TPTE: variants seen among roughly 807,000 people sequenced by gnomAD.
The protein encoded by TPTE is transmembrane phosphatase with tensin homology, also known as putative tyrosine-protein phosphatase TPTE.
A neutral mutation model predicts 84.1 loss-of-function variants in TPTE; 59 were observed. The ratio of observed to expected loss-of-function variants is 0.70; its 90% CI spans 0.57 to 0.87. TPTE has a LOEUF of 0.87. Ranked by LOEUF, TPTE falls within the 40% of genes least tolerant of loss-of-function variation. TPTE has a pLI of 0.00. For missense variants in TPTE, 382 were observed against 659.6 expected (o/e 0.58, Z 4.61); for synonymous variants, 130 against 223.5 (o/e 0.58, Z 3.73).
intron 8 of TPTE, among the ~76,000 whole-genome samples, chr21:10,554,563 C>T (rs928958439): frequency 1.3e-5 from 2 of 152,300 alleles, no homozygotes; most frequent in Non-Finnish European, 2.9e-5. Flanking sequence ...AAAGTTAAAT[C>T]TATTGATCCT....
At chr21:10,545,225 A>ATTAACCTCTTAAGATTTACCAATC (rs1568962866) in intron 7 of TPTE, among the ~76,000 whole-genome samples, 1 of 152,308 alleles carries the variant, frequency 6.6e-6, no homozygotes, top group Non-Finnish European at 1.5e-5. Context: ...AGAGGCATAT[A>ATTAACCTCTTAAGATTTACCAATC]TTAAGATTGG....
At chr21:10,574,234 A>G (rs1298377243) in intron 14 of TPTE, among the ~76,000 whole-genome samples, 1 of 152,312 alleles carries the variant, frequency 6.6e-6, no homozygotes, top group Non-Finnish European at 1.5e-5. Context: ...AATACTTATT[A>G]TACCTCAATA....
rs1051322060 is a variant in TPTE at position 10,543,014 on chromosome 21, C to CTTTTTTT, written c.120-295_120-289dup. 1.5e-4 allele frequency among the ~76,000 whole-genome samples: 11 copies of CTTTTTTT among 72,276 alleles called. 1 individual carries two copies. Among genetic ancestry groups the CTTTTTTT allele is most frequent in the Admixed American group, 1.9e-4 (1 of 5,230 alleles). The allele number at this position is 72,276 out of a possible 152,430, so 47.4% of individuals were successfully genotyped here. The stretch of plus-strand genomic sequence containing the variant: ...ATCGCGTCTCCTATCTGACTGTATT[C>CTTTTTTT]TTTTTTTTTTTTTTTTTTTTTTTTT... On this transcript the variant is annotated intron_variant, in intron 6 of 23. Transcript: ENST00000618007.
chr21:10,560,498 T>C (rs948859412), intron 9 of TPTE, among the ~76,000 whole-genome samples: 2 of 152,290 alleles, frequency 1.3e-5, no homozygotes, highest in Non-Finnish European at 2.9e-5. Flanking sequence ...TCAAGACTCA[T>C]GTGCCCATCA....
chr21:10,540,132 C>G (rs532460341), intron 4 of TPTE, among the ~76,000 whole-genome samples: 2 of 152,428 alleles, frequency 1.3e-5, no homozygotes, highest in South Asian at 4.1e-4. Context: ...TACATGTTAA[C>G]TTCTTTGGCA....
At chr21:10,551,632 C>T (rs1388155496) in intron 7 of TPTE, among the ~76,000 whole-genome samples, 1 of 152,206 alleles carries the variant, frequency 6.6e-6, no homozygotes, top group African/African-American at 2.4e-5. Context: ...AGGTTAACAA[C>T]AAAAAGGTTT....
chr21:10,575,698 GGT>G (rs554349416), intron 14 of TPTE, among the ~76,000 whole-genome samples: 33 of 152,372 alleles, frequency 2.2e-4, no homozygotes, highest in Non-Finnish European at 8.8e-5. Context: ...AGCCTTCACT[GGT>G]AATATCTCCT....
chr21:10,569,234 TA>T (rs1453997961), intron 11 of TPTE, among the ~76,000 whole-genome samples: 1 of 152,308 alleles, frequency 6.6e-6, no homozygotes, highest in Non-Finnish European at 1.5e-5. Flanking sequence ...TAGATGTAAG[TA>T]ACACACAGAC....
intron 20 of TPTE, 55 bp from the exon 21 acceptor site, chr21:10,597,960 A>G (rs1487153022): frequency 6.9e-6 from 11 of 1,595,684 alleles, no homozygotes; most frequent in Non-Finnish European, 9.4e-6. Flanking sequence ...TTGGTGAGAC[A>G]TATTGATGTT....
intron 23 of TPTE, among the ~76,000 whole-genome samples, chr21:10,604,616 T>C (rs778939280): frequency 6.6e-6 from 1 of 152,276 alleles, no homozygotes; most frequent in Non-Finnish European, 1.5e-5. Flanking sequence ...ACAAGTTTTT[T>C]TTTTTGGATG....
chr21:10,525,984 C>G (rs1402088381), intron 2 of TPTE, among the ~76,000 whole-genome samples: 7 of 152,424 alleles, frequency 4.6e-5, no homozygotes, highest in African/African-American at 1.7e-4. Context: ...TCTGAAAAAT[C>G]TAGTAATCAT....
chr21:10,538,828 A>G, intron 4 of TPTE, 94 bp downstream of exon 4: 6 of 1,612,700 alleles, frequency 3.7e-6, no homozygotes, highest in South Asian at 2.2e-5. Flanking sequence ...ATATCCATCC[A>G]TCCATCCATG....
At chr21:10,545,794 T>C (rs935413875) in intron 7 of TPTE, among the ~76,000 whole-genome samples, 2 of 151,814 alleles carry the variant, frequency 1.3e-5, no homozygotes, top group Admixed American at 1.3e-4. Context: ...TCTACATATG[T>C]GCATATTTAA....
At chr21:10,527,947 A>G (rs1198509059) in intron 3 of TPTE, among the ~76,000 whole-genome samples, 1 of 152,306 alleles carries the variant, frequency 6.6e-6, no homozygotes, top group African/African-American at 2.4e-5. Flanking sequence ...ATGTGTGCCT[A>G]CAAATGGGAC....
rs1222830773 is a variant in TPTE, at chr21:10,524,699, C to A, written c.-102+11C>A. ...CAGTCTGGTGTATAGGTAAGCATGT[C>A]CAGGGCTTATAGGGAGAAACTCCCA... On this transcript the variant is annotated intron_variant, in intron 2 of 23. Coordinates refer to ENST00000618007, the MANE Select transcript of TPTE (RefSeq NM_199261.4). The A allele has an allele frequency of 6.5e-6, 1 of 152,840 alleles. No individual in the cohort carries two copies. Among genetic ancestry groups the A allele is most frequent in the East Asian group, 1.9e-4 (1 of 5,218 alleles). The allele number at this position is 152,840 out of a possible 1,614,324, so 9.5% of individuals were successfully genotyped here. A position where few individuals can be genotyped will look rare whatever the true frequency, so the allele number is the denominator to read the frequency against.
chr21:10,594,171 C>G (rs1177040174), intron 19 of TPTE, among the ~76,000 whole-genome samples: 3 of 152,312 alleles, frequency 2.0e-5, no homozygotes, highest in African/African-American at 4.8e-5. Flanking sequence ...GTGCATCACA[C>G]ATCCCATACT....
intron 10 of TPTE, among the ~76,000 whole-genome samples, chr21:10,566,528 T>C (rs2074924873): frequency 6.6e-6 from 1 of 152,312 alleles, no homozygotes; most frequent in African/African-American, 2.4e-5. Context: ...AAAAAGGAAA[T>C]CACTATATAG....
intron 23 of TPTE, among the ~76,000 whole-genome samples, chr21:10,604,025 GGCA>G (rs1473143525): frequency 1.3e-5 from 2 of 152,312 alleles, no homozygotes; most frequent in Admixed American, 1.3e-4. Flanking sequence ...GCTAAAGGAA[GGCA>G]GGACCTAGGG....
intron 7 of TPTE, among the ~76,000 whole-genome samples, chr21:10,545,210 A>G (rs1448329570): frequency 6.6e-6 from 1 of 151,758 alleles, no homozygotes; most frequent in Non-Finnish European, 1.5e-5. Context: ...ACGGAGAGAA[A>G]GAAGAGAGGC....
Sources: gnomAD v4.1 joint callset for allele counts (sites outside exome capture counted in the v4.1 genomes callset) on GRCh38, gnomAD v4.1.1 for gene constraint, MANE v1.5 for transcripts, NCBI Gene and HGNC (gene_info 2026-07-23, HGNC 2026-07-21) for gene names.